Variants in MICAL2 observed in about 807,000 individuals in gnomAD.
MICAL2 encodes the protein microtubule associated monooxygenase, calponin and LIM domain containing 2.
MICAL2 carries 77 observed loss-of-function variants against 127.3 expected under a neutral mutation model. The ratio of observed to expected loss-of-function variants is 0.60; its 90% CI spans 0.50 to 0.73. MICAL2 has a LOEUF of 0.73. Among genes scored for constraint, MICAL2 ranks in the 30% least tolerant of loss-of-function variants. The pLI is 0.00. For synonymous variants in MICAL2, 570 were observed against 551.1 expected (o/e 1.03, Z -0.48); for missense variants, 1,351 against 1,434.4 (o/e 0.94, Z 0.94).
At chr11:12,114,859 G>A (rs1011081736) in intron 1 of MICAL2, among the ~76,000 whole-genome samples, 2 of 152,166 alleles carry the variant, frequency 1.3e-5, no homozygotes, top group African/African-American at 4.8e-5. Context: ...GTGGGGAGCC[G>A]AGACAGCTGC....
chr11:12,294,744 A>G (rs1863958346), downstream of MICAL2: 1 of 1,613,410 alleles, frequency 6.2e-7, no homozygotes, highest in South Asian at 1.1e-5. Flanking sequence ...GATAGTGCGC[A>G]GGCCCTGGAG....
At chr11:12,320,644 C>T (rs1419511332) in intron 30 of MICAL2, among the ~76,000 whole-genome samples, 1 of 152,030 alleles carries the variant, frequency 6.6e-6, no homozygotes, top group Non-Finnish European at 1.5e-5. Context: ...TAGTGAGGAT[C>T]TGGGGAGGGA....
chr11:12,247,244 G>A (rs1419811566), intron 21 of MICAL2, among the ~76,000 whole-genome samples: 1 of 152,176 alleles, frequency 6.6e-6, no homozygotes, highest in Non-Finnish European at 1.5e-5. Flanking sequence ...AGGGCTTTGG[G>A]GTGGCCAACC....
At chr11:12,293,514 A>G (rs1214186946), downstream of MICAL2, 5 of 1,531,052 alleles carry the variant, frequency 3.3e-6, no homozygotes. Flanking sequence ...ATATAAATAA[A>G]TGATGAAAAT....
intron 34 of MICAL2, among the ~76,000 whole-genome samples, chr11:12,356,721 G>A (rs1480283827): frequency 6.6e-6 from 1 of 152,186 alleles, no homozygotes; most frequent in Non-Finnish European, 1.5e-5. Context: ...GCCCCATGGG[G>A]GAACCCTGTG....
chr11:12,278,397 A>C (rs1863741615), intron 1 of MICAL2, among the ~76,000 whole-genome samples: 1 of 152,200 alleles, frequency 6.6e-6, no homozygotes, highest in African/African-American at 2.4e-5. Flanking sequence ...GCATCACTGC[A>C]AACACGTGAG....
At chr11:12,258,045 G>C (rs1214043044) in intron 24 of MICAL2, among the ~76,000 whole-genome samples, 1 of 152,198 alleles carries the variant, frequency 6.6e-6, no homozygotes, top group Non-Finnish European at 1.5e-5. Flanking sequence ...CTTGGCCTCA[G>C]TTTGATTTGG....
rs75797534 is a variant in MICAL2 at position 12,160,667 on chromosome 11, T to C, written c.-77-1412T>C. ...TTGAAGCTTTCTTGAGATTTCTCTC[T>C]TGTGGCCCCTCTGGACTCCTCGAGG... is the stretch of plus-strand genomic sequence containing the variant. On this transcript the variant is annotated intron_variant, in intron 2 of 27. Coordinates refer to ENST00000683283, the MANE Select transcript of MICAL2 (RefSeq NM_001282663.2). 8.4e-3 allele frequency among the ~76,000 whole-genome samples: 1,276 copies of C among 152,340 alleles called. 11 individuals are homozygous for C. Among genetic ancestry groups the C allele is most frequent in the Non-Finnish European group, 0.015 (1,053 of 68,020 alleles).
At chr11:12,346,540 G>A (rs367561179) in intron 32 of MICAL2, among the ~76,000 whole-genome samples, 33 of 152,254 alleles carry the variant, frequency 2.2e-4, no homozygotes, top group African/African-American at 7.0e-4. Context: ...ACAAATGTCC[G>A]TGAATGCCTT....
chr11:12,114,292 C>T (rs1044315732), intron 1 of MICAL2, among the ~76,000 whole-genome samples: 4 of 152,198 alleles, frequency 2.6e-5, no homozygotes, highest in South Asian at 2.1e-4. Flanking sequence ...TTAAAAAGGA[C>T]GTTGTCTTGC....
In MICAL2 at chr11:12,222,604, CG is replaced by C; in HGVS notation, c.1323-12del. 1 of 1,614,140 alleles carries C rather than the reference CG, an allele frequency of 6.2e-7. No homozygotes were observed. The highest frequency in any genetic ancestry group is 1.1e-5 in the South Asian group (1 of 91,080). On this transcript the variant is annotated splice_polypyrimidine_tract_variant and intron_variant, in intron 10 of 27. Transcript: ENST00000683283. ...AAAGTGATCCCTGACCTCCAGGCTC[CG>C]CCTCCCTCCAGGGAAAGTCTCTACC...
chr11:12,122,748 G>C (rs1350093999), intron 1 of MICAL2, among the ~76,000 whole-genome samples: 2 of 152,180 alleles, frequency 1.3e-5, no homozygotes, highest in African/African-American at 4.8e-5. Context: ...CTCAGTCAAA[G>C]CACCTGTGTG....
Position 12,262,628 on chromosome 11 carries a change from CACTA to C in MICAL2, c.*17+95_*17+98del. ...TCCTCTCCGCCAGCAGTACTGGTTG[CACTA>C]ACTGTGAGTGTCTTGCATACTGATG... is the stretch of plus-strand genomic sequence containing the variant. On this transcript the variant is annotated intron_variant, in intron 27 of 27. Coordinates refer to ENST00000683283, the MANE Select transcript of MICAL2 (RefSeq NM_001282663.2). 12 of 1,103,022 alleles carry C rather than the reference CACTA, an allele frequency of 1.1e-5. No individual in the cohort carries two copies. The South Asian group carries it at 1.5e-4, about 14-fold the overall frequency. 68.3% of individuals were successfully genotyped at this position (1,103,022 alleles called of 1,614,324 possible).
rs528030670 is a variant in MICAL2, at chr11:12,226,053, A to G, written c.1689-118A>G. The G allele has an allele frequency of 3.2e-6, 3 of 943,528 alleles. No individual in the cohort carries two copies. In the East Asian group the frequency reaches 7.2e-5, roughly 23 times the overall value. The allele number at this position is 943,528 out of a possible 1,614,324, so 58.4% of individuals were successfully genotyped here. A position where few individuals can be genotyped will look rare whatever the true frequency, so the allele number is the denominator to read the frequency against. ...GCTGGGGTCACTATTCCTCCCCTGT[A>G]ACCTGCCGACACCTGGCAGAGTGTC... On this transcript the variant is annotated intron_variant, in intron 13 of 27. Transcript: ENST00000683283.
At position 12,112,831 on chromosome 11, in the gene MICAL2, G is replaced by A. The variant is rs1360019788; in HGVS notation, c.-149+2105G>A. Among the ~76,000 whole-genome samples the A allele has an allele frequency of 3.9e-5, 6 of 152,234 alleles. No homozygotes were observed. In the East Asian group the frequency reaches 7.7e-4, roughly 20 times the overall value. ...CTTTTAAGAACTATGCCTGGTTGTG[G>A]CTGTGGCCATTGGAGGCCCATTCCC... On this transcript the variant is annotated intron_variant, in intron 1 of 27. Transcript: ENST00000683283.
chr11:12,210,399 A>G (rs1855299389), intron 6 of MICAL2, among the ~76,000 whole-genome samples: 1 of 152,204 alleles, frequency 6.6e-6, no homozygotes, highest in Non-Finnish European at 1.5e-5. Context: ...CAAGAGCCAC[A>G]GGCTGCAGAT....
At chr11:12,193,226 T>C (rs1859442241) in intron 3 of MICAL2, among the ~76,000 whole-genome samples, 1 of 152,226 alleles carries the variant, frequency 6.6e-6, no homozygotes. Flanking sequence ...CTAAGGCTCT[T>C]GGCAAGGTGG....
rs537322408 is a variant in MICAL2 at position 12,281,444 on chromosome 11, G to A, written c.254+345G>A. On this transcript the variant is annotated intron_variant, in intron 2 of 2. Coordinates refer to the MICAL2 transcript ENST00000529028. ...CTCCTGTATGGGCACCTCCTTAGGG[G>A]CCCCTCCAGCATCCCATAGCCCCTG... Among the ~76,000 whole-genome samples, 54 of 152,178 alleles carry A rather than the reference G, an allele frequency of 3.5e-4. 1 individual carries two copies. In the South Asian group the frequency reaches 0.01, roughly 29 times the overall value.
chr11:12,300,128 C>G (rs1864030806), intron 29 of MICAL2, among the ~76,000 whole-genome samples: 1 of 152,062 alleles, frequency 6.6e-6, no homozygotes, highest in Non-Finnish European at 1.5e-5. Context: ...AACCACGTCT[C>G]TACTAAAAAT....
Sources: gnomAD v4.1 joint callset for allele counts (sites outside exome capture counted in the v4.1 genomes callset) on GRCh38, gnomAD v4.1.1 for gene constraint, MANE v1.5 for transcripts, NCBI Gene and HGNC (gene_info 2026-07-23, HGNC 2026-07-21) for gene names.